The following RBMS1 variants were observed in gnomAD, a reference collection of about 807,000 sequenced individuals.
RBMS1 encodes the protein RNA binding motif single stranded interacting protein 1.
RBMS1 carries 17 observed loss-of-function variants against 62.3 expected under a neutral mutation model. The observed-to-expected ratio is 0.27, with a 90% CI of 0.19 to 0.41. RBMS1 has a LOEUF of 0.41. Among genes scored for constraint, RBMS1 ranks in the 10% least tolerant of loss-of-function variants. The pLI is 1.00. For synonymous variants in RBMS1, 172 were observed against 170.0 expected (o/e 1.01, Z -0.09); for missense variants, 334 against 504.5 (o/e 0.66, Z 3.24).
At chr2:160,453,353 CCT>C (rs1354349572) in intron 1 of RBMS1, among the ~76,000 whole-genome samples, 1 of 152,118 alleles carries the variant, frequency 6.6e-6, no homozygotes, top group Non-Finnish European at 1.5e-5. Flanking sequence ...AAAAGTTTCC[CCT>C]GTCATCCTTA....
intron 6 of RBMS1, among the ~76,000 whole-genome samples, chr2:160,296,360 G>C (rs78304179): frequency 0.013 from 1,918 of 152,272 alleles, 57 homozygotes; most frequent in African/African-American, 0.044. Flanking sequence ...CACAGATGCA[G>C]TGTGCTCTCA....
chr2:160,418,612 C>G (rs970538551), intron 1 of RBMS1, among the ~76,000 whole-genome samples: 4 of 152,144 alleles, frequency 2.6e-5, no homozygotes, highest in African/African-American at 9.7e-5. Flanking sequence ...TAGTTCCTTG[C>G]ATTTCCTCTT....
intron 1 of RBMS1, among the ~76,000 whole-genome samples, chr2:160,410,718 C>T (rs534453786): frequency 2.1e-4 from 32 of 152,200 alleles, no homozygotes; most frequent in African/African-American, 7.0e-4. Context: ...AAAAACGGGG[C>T]TTTGGAAGAA....
chr2:160,378,607 A>G (rs897503335), intron 1 of RBMS1, among the ~76,000 whole-genome samples: 4 of 141,702 alleles, frequency 2.8e-5, no homozygotes, highest in East Asian at 2.2e-4. Context: ...CCAAAGTAAG[A>G]CTCTATCTAT....
chr2:160,450,805 C>T (rs1022345640), intron 1 of RBMS1, among the ~76,000 whole-genome samples: 1 of 152,096 alleles, frequency 6.6e-6, no homozygotes, highest in African/African-American at 2.4e-5. Context: ...GTTGACCTGA[C>T]TTAAATACCT....
intron 1 of RBMS1, among the ~76,000 whole-genome samples, chr2:160,450,125 A>G (rs946963245): frequency 6.6e-6 from 1 of 152,118 alleles, no homozygotes; most frequent in Non-Finnish European, 1.5e-5. Context: ...CTGAATGACA[A>G]CTGCCACCTG....
chr2:160,288,058 A>G (rs1224724592), intron 6 of RBMS1, among the ~76,000 whole-genome samples: 1 of 149,640 alleles, frequency 6.7e-6, no homozygotes, highest in East Asian at 1.9e-4. Flanking sequence ...AAAAAAAAAA[A>G]GTCTACAGAC....
At chr2:160,484,723 T>C (rs1685522560) in intron 1 of RBMS1, among the ~76,000 whole-genome samples, 1 of 150,532 alleles carries the variant, frequency 6.6e-6, no homozygotes, top group African/African-American at 2.4e-5. Flanking sequence ...TACAAAAAAT[T>C]AGCCGGGCAT....
At chr2:160,384,094 G>A (rs1694440279) in intron 1 of RBMS1, among the ~76,000 whole-genome samples, 1 of 152,212 alleles carries the variant, frequency 6.6e-6, no homozygotes, top group Admixed American at 6.5e-5. Context: ...CTACTAGGGA[G>A]GCTGAGGCAG....
At chr2:160,382,352 C>T (rs1426128395) in intron 1 of RBMS1, among the ~76,000 whole-genome samples, 2 of 152,128 alleles carry the variant, frequency 1.3e-5, no homozygotes, top group African/African-American at 4.8e-5. Flanking sequence ...ACTAAAGCAT[C>T]TCCAGAACAA....
intron 1 of RBMS1, among the ~76,000 whole-genome samples, chr2:160,447,491 T>C (rs922454386): frequency 6.6e-6 from 1 of 152,266 alleles, no homozygotes; most frequent in Non-Finnish European, 1.5e-5. Flanking sequence ...TTTAAAATGA[T>C]ACAAGAATAT....
rs184261311 is a variant in RBMS1, at chr2:160,324,582, A to G, written c.252-6355T>C. ...ACAAAAAAGATACTTTAACTTTGAGAAAGGGCAGAATGTTGCTCATGCATA... is the reference window on the plus strand; with the variant it reads ...ACAAAAAAGATACTTTAACTTTGAGGAAGGGCAGAATGTTGCTCATGCATA... On this transcript the variant is annotated intron_variant, in intron 2 of 13. Coordinates refer to ENST00000348849, the MANE Select transcript of RBMS1 (RefSeq NM_016836.4). Among the ~76,000 whole-genome samples the G allele has an allele frequency of 5.4e-3, 824 of 152,144 alleles. 7 individuals carry two copies. Among genetic ancestry groups the G allele is most frequent in the Middle Eastern group, 6.8e-3 (2 of 294 alleles).
chr2:160,315,045 A>C (rs1328611522), intron 3 of RBMS1, among the ~76,000 whole-genome samples: 1 of 152,232 alleles, frequency 6.6e-6, no homozygotes, highest in African/African-American at 2.4e-5. Flanking sequence ...ATTGTCAACA[A>C]ATTACAGTAA....
chr2:160,296,497 T>C (rs1321684412), intron 6 of RBMS1, among the ~76,000 whole-genome samples: 1 of 152,218 alleles, frequency 6.6e-6, no homozygotes, highest in Non-Finnish European at 1.5e-5. Flanking sequence ...ATCAGTCATC[T>C]AGCTAAAGAT....
At chr2:160,455,000 C>T (rs893193650) in intron 1 of RBMS1, among the ~76,000 whole-genome samples, 3 of 152,110 alleles carry the variant, frequency 2.0e-5, no homozygotes, top group Non-Finnish European at 4.4e-5. Flanking sequence ...TTCAAACCAC[C>T]TCTGTAGCTG....
At chr2:160,443,314 G>C (rs1331536070) in intron 1 of RBMS1, among the ~76,000 whole-genome samples, 1 of 151,854 alleles carries the variant, frequency 6.6e-6, no homozygotes, top group Non-Finnish European at 1.5e-5. Flanking sequence ...CAGCCTCATA[G>C]TATAATGACA....
At chr2:160,407,572 G>GCGCGGT in intron 1 of RBMS1, 1 of 984,052 alleles carries the variant, frequency 1.0e-6, no homozygotes, top group African/African-American at 1.8e-5. Context: ...GCGGGCGCGG[G>GCGCGGT]CGCGGGGCAG....
intron 3 of RBMS1, among the ~76,000 whole-genome samples, chr2:160,313,530 A>G (rs1035096032): frequency 6.6e-6 from 1 of 151,996 alleles, no homozygotes; most frequent in African/African-American, 2.4e-5. Context: ...TGGGGGGGAG[A>G]CATCTAAGTT....
At chr2:160,449,052 G>A (rs1210369593) in intron 1 of RBMS1, among the ~76,000 whole-genome samples, 8 of 150,618 alleles carry the variant, frequency 5.3e-5, no homozygotes, top group Admixed American at 2.0e-4. Context: ...GAGCCCCTCC[G>A]CCCGGCAGCT....
Sources: gnomAD v4.1 joint callset for allele counts (sites outside exome capture counted in the v4.1 genomes callset) on GRCh38, gnomAD v4.1.1 for gene constraint, MANE v1.5 for transcripts, NCBI Gene and HGNC (gene_info 2026-07-23, HGNC 2026-07-21) for gene names.